CSTPP1: variants seen among roughly 807,000 people sequenced by gnomAD.
CSTPP1 encodes centriolar satellite-associated tubulin polyglutamylase complex regulator 1.
chr11:47,006,209 C>T, the CSTPP1 span, among the ~76,000 whole-genome samples: 11 of 152,096 alleles, frequency 7.2e-5, no homozygotes, highest in African/African-American at 1.4e-4. Flanking sequence ...CTAATCTATA[C>T]GTCTTATTTA....
At chr11:47,107,816 G>A in the CSTPP1 span, among the ~76,000 whole-genome samples, 1 of 151,748 alleles carries the variant, frequency 6.6e-6, no homozygotes, top group African/African-American at 2.4e-5. Context: ...ACTGGACAAG[G>A]TGGCAAAAAA....
the CSTPP1 span, among the ~76,000 whole-genome samples, chr11:47,046,660 C>CTTTTTTTTTTTTTTTTTTTTTT: frequency 2.0e-4 from 16 of 79,732 alleles, 1 homozygote; most frequent in South Asian, 5.5e-4. Context: ...ATCTTCTTTT[C>CTTTTTTTTTTTTTTTTTTTTTT]TTTTTTTTTT....
At chr11:47,029,677 A>G in the CSTPP1 span, among the ~76,000 whole-genome samples, 1 of 151,604 alleles carries the variant, frequency 6.6e-6, no homozygotes, top group Non-Finnish European at 1.5e-5. Flanking sequence ...CTTTGGTCTT[A>G]TATATTCTGT....
the CSTPP1 span, among the ~76,000 whole-genome samples, chr11:46,950,920 C>T: frequency 6.6e-6 from 1 of 152,160 alleles, no homozygotes; most frequent in African/African-American, 2.4e-5. Context: ...AGCCACCAGG[C>T]CTGGCCTGGA....
chr11:47,018,422 G>A, the CSTPP1 span, among the ~76,000 whole-genome samples: 1 of 150,734 alleles, frequency 6.6e-6, no homozygotes, highest in African/African-American at 2.4e-5. Context: ...AGCCTCCTGA[G>A]TACCTGGGAT....
chr11:47,115,081 A>T, the CSTPP1 span, among the ~76,000 whole-genome samples: 1 of 152,158 alleles, frequency 6.6e-6, no homozygotes, highest in African/African-American at 2.4e-5. Context: ...GCATCTATTG[A>T]GATAATCAAG....
the CSTPP1 span, among the ~76,000 whole-genome samples, chr11:47,039,052 T>C: frequency 8.6e-6 from 1 of 116,684 alleles, no homozygotes; most frequent in African/African-American, 2.7e-5. Context: ...CTCCTCACTT[T>C]CCAGACTGGG....
the CSTPP1 span, among the ~76,000 whole-genome samples, chr11:46,959,090 T>C: frequency 2.0e-5 from 3 of 152,250 alleles, no homozygotes; most frequent in East Asian, 3.8e-4. Flanking sequence ...GATTTGATGA[T>C]TTAAATTTCT....
the CSTPP1 span, among the ~76,000 whole-genome samples, chr11:47,056,789 A>G: frequency 6.6e-6 from 1 of 152,202 alleles, no homozygotes; most frequent in Non-Finnish European, 1.5e-5. Flanking sequence ...GCAAGGTTCT[A>G]AAGGAAAGGA....
chr11:46,998,812 C>T, the CSTPP1 span, among the ~76,000 whole-genome samples: 4 of 152,078 alleles, frequency 2.6e-5, no homozygotes, highest in African/African-American at 7.2e-5. Flanking sequence ...CTCGGCTCAC[C>T]GCAAGCTCCG....
chr11:47,037,376 AATTATT>A, the CSTPP1 span, among the ~76,000 whole-genome samples: 237 of 88,818 alleles, frequency 2.7e-3, 17 homozygotes, highest in African/African-American at 9.5e-3. Flanking sequence ...TTCTGGCAAC[AATTATT>A]ATTATTATTA....
the CSTPP1 span, among the ~76,000 whole-genome samples, chr11:47,136,972 C>G: frequency 1.3e-5 from 2 of 152,204 alleles, no homozygotes; most frequent in African/African-American, 2.4e-5. Context: ...AGAGCCTCAT[C>G]CTGGCTCACC....
At chr11:46,979,770 G>A in the CSTPP1 span, among the ~76,000 whole-genome samples, 3 of 152,290 alleles carry the variant, frequency 2.0e-5, no homozygotes, top group South Asian at 6.2e-4. Context: ...AAAATTAGCT[G>A]AGCATGGTGG....
the CSTPP1 span, among the ~76,000 whole-genome samples, chr11:46,996,917 G>T: frequency 1.3e-5 from 2 of 152,216 alleles, no homozygotes; most frequent in Non-Finnish European, 2.9e-5. Flanking sequence ...TTTCTGCCAA[G>T]AGATCTGCTG....
At chr11:47,083,888 A>T in the CSTPP1 span, among the ~76,000 whole-genome samples, 1 of 152,232 alleles carries the variant, frequency 6.6e-6, no homozygotes, top group African/African-American at 2.4e-5. Context: ...GTTTTTGCCC[A>T]TTATGAATAA....
At chr11:46,941,475 G>C in the CSTPP1 span, among the ~76,000 whole-genome samples, 1 of 152,176 alleles carries the variant, frequency 6.6e-6, no homozygotes, top group Admixed American at 6.5e-5. Flanking sequence ...AAGTAGCTGG[G>C]ATTACAGGCA....
chr11:47,033,866 G>A, the CSTPP1 span, among the ~76,000 whole-genome samples: 2 of 152,066 alleles, frequency 1.3e-5, no homozygotes, highest in Non-Finnish European at 2.9e-5. Context: ...TAGAAACATT[G>A]TGTTTGGGGG....
At chr11:46,937,816 C>T in the CSTPP1 span, among the ~76,000 whole-genome samples, 1 of 152,100 alleles carries the variant, frequency 6.6e-6, no homozygotes, top group Non-Finnish European at 1.5e-5. Flanking sequence ...GGATTACAGG[C>T]GTGAGCCACC....
the CSTPP1 span, among the ~76,000 whole-genome samples, chr11:47,101,963 C>A: frequency 6.6e-6 from 1 of 152,192 alleles, no homozygotes; most frequent in Non-Finnish European, 1.5e-5. Context: ...TCAATATGAT[C>A]ATTTCTCTGC....
Sources: allele counts gnomAD v4.1 joint callset (sites outside exome capture counted in the v4.1 genomes callset), GRCh38; gene constraint gnomAD v4.1.1; transcripts MANE v1.5; gene names NCBI Gene and HGNC (gene_info 2026-07-23, HGNC 2026-07-21).